Variants in RBMS3 observed in about 807,000 individuals in gnomAD.
The protein encoded by RBMS3 is RNA binding motif single stranded interacting protein 3, also known as RNA-binding motif, single-stranded-interacting protein 3.
Under a neutral mutation model 66.8 loss-of-function variants are expected in RBMS3, and 27 were observed. The ratio of observed to expected loss-of-function variants is 0.40; its 90% CI spans 0.30 to 0.56. The LOEUF (loss-of-function observed/expected upper bound fraction) is 0.56, where lower values mean the gene tolerates loss of function less well. Among genes scored for constraint, RBMS3 ranks in the 20% least tolerant of loss-of-function variants. The pLI is 0.40. For synonymous variants in RBMS3, 188 were observed against 183.0 expected (o/e 1.03, Z -0.22); for missense variants, 513 against 549.5 (o/e 0.93, Z 0.66).
At chr3:29,684,839 G>A (rs1382255274) in intron 4 of RBMS3, among the ~76,000 whole-genome samples, 2 of 151,406 alleles carry the variant, frequency 1.3e-5, no homozygotes, top group Admixed American at 6.6e-5. Context: ...GAGCTAAAGA[G>A]GATGGTCTTT....
At chr3:29,438,978 A>G (rs1032679329) in intron 2 of RBMS3, among the ~76,000 whole-genome samples, 2 of 152,200 alleles carry the variant, frequency 1.3e-5, no homozygotes, top group African/African-American at 4.8e-5. Flanking sequence ...ATCTCTGAGG[A>G]AGTGACAATT....
chr3:29,532,574 T>C (rs1188200222), intron 3 of RBMS3, among the ~76,000 whole-genome samples: 1 of 151,722 alleles, frequency 6.6e-6, no homozygotes. Context: ...AAAATAAAAT[T>C]TAAAAAATTA....
At chr3:29,982,295 C>G (rs963297612) in intron 12 of RBMS3, among the ~76,000 whole-genome samples, 7 of 151,966 alleles carry the variant, frequency 4.6e-5, no homozygotes, top group African/African-American at 1.7e-4. Flanking sequence ...TTTATGGTGT[C>G]TATATGATTC....
chr3:29,465,789 TTAGTCA>T (rs1004461037), intron 2 of RBMS3, among the ~76,000 whole-genome samples: 15 of 152,196 alleles, frequency 9.9e-5, no homozygotes, highest in African/African-American at 3.6e-4. Context: ...AAGTGTTCTT[TTAGTCA>T]TGCAAATTCT....
chr3:29,887,708 G>A (rs1398737583), intron 8 of RBMS3, among the ~76,000 whole-genome samples: 1 of 151,668 alleles, frequency 6.6e-6, no homozygotes, highest in Non-Finnish European at 1.5e-5. Flanking sequence ...GACTCACTAA[G>A]TCTCACTAAA....
At chr3:29,317,698 TC>T (rs1459642900) in intron 1 of RBMS3, among the ~76,000 whole-genome samples, 1 of 151,834 alleles carries the variant, frequency 6.6e-6, no homozygotes, top group African/African-American at 2.4e-5. Flanking sequence ...AAGAAATAAT[TC>T]TACCTATTGA....
At chr3:29,292,218 C>G (rs554337893) in intron 1 of RBMS3, among the ~76,000 whole-genome samples, 2 of 151,712 alleles carry the variant, frequency 1.3e-5, no homozygotes, top group Admixed American at 1.3e-4. Context: ...ACAACACACA[C>G]GCACACATAC....
chr3:29,899,775 T>A lies in RBMS3; in HGVS notation c.939+20T>A. 1 of 1,605,232 alleles carries A rather than the reference T, an allele frequency of 6.2e-7. No individual in the cohort carries two copies. The highest frequency in any genetic ancestry group is 8.5e-7 in the Non-Finnish European group (1 of 1,174,700). On this transcript the variant is annotated intron_variant, in intron 10 of 14. Coordinates refer to ENST00000383767, the MANE Select transcript of RBMS3 (RefSeq NM_001003793.3). ...CCAACAGTAAGTGTTCTCAGTCACC[T>A]GAGGCTAATATTTCTATTATCCAAG...
chr3:29,768,243 GACA>G (rs1435304173), intron 6 of RBMS3, among the ~76,000 whole-genome samples: 1 of 151,854 alleles, frequency 6.6e-6, no homozygotes, highest in Non-Finnish European at 1.5e-5. Context: ...AGAGCAGCTG[GACA>G]ACATCATGGT....
chr3:29,281,567 T>C lies in RBMS3; in HGVS notation c.-115T>C. On this transcript the variant is annotated 5_prime_UTR_variant, in exon 1 of 15. Coordinates refer to ENST00000383767, the MANE Select transcript of RBMS3 (RefSeq NM_001003793.3). ...TGGAACTAGCGAGTGGTGGAGTCTC[T>C]GAAGCCTCATCAGTCACCGGGACTG... is the stretch of plus-strand genomic sequence containing the variant. 1 of 785,996 alleles carries C rather than the reference T, an allele frequency of 1.3e-6. No homozygotes were observed. Among genetic ancestry groups the C allele is most frequent in the Non-Finnish European group, 2.2e-6 (1 of 460,192 alleles). 48.7% of individuals were successfully genotyped at this position (785,996 alleles called of 1,614,324 possible). A position where few individuals can be genotyped will look rare whatever the true frequency, so the allele number is the denominator to read the frequency against.
At chr3:29,286,955 C>T (rs911787774) in intron 1 of RBMS3, among the ~76,000 whole-genome samples, 6 of 152,066 alleles carry the variant, frequency 3.9e-5, no homozygotes, top group African/African-American at 1.4e-4. Context: ...GTAACAGTCT[C>T]ATAAGCCACA....
At chr3:29,603,555 T>G (rs770477200) in intron 4 of RBMS3, among the ~76,000 whole-genome samples, 1 of 152,106 alleles carries the variant, frequency 6.6e-6, no homozygotes, top group Non-Finnish European at 1.5e-5. Context: ...TGACACTATA[T>G]GATGCATGCC....
chr3:29,993,515 G>A (rs1281747892), intron 14 of RBMS3, among the ~76,000 whole-genome samples: 1 of 152,108 alleles, frequency 6.6e-6, no homozygotes, highest in African/African-American at 2.4e-5. Flanking sequence ...TTTTGGATGA[G>A]GTTAATATTT....
chr3:29,828,997 T>A (rs1348447436), intron 6 of RBMS3, among the ~76,000 whole-genome samples: 3 of 47,078 alleles, frequency 6.4e-5, no homozygotes, highest in Admixed American at 5.6e-4. Flanking sequence ...TTTCTTTCTT[T>A]CTTTCTTTCT....
chr3:29,704,500 A>G (rs1482872741), intron 4 of RBMS3, among the ~76,000 whole-genome samples: 1 of 152,206 alleles, frequency 6.6e-6, no homozygotes, highest in African/African-American at 2.4e-5. Context: ...ACTCATTTCT[A>G]TCCAATTGGG....
At chr3:29,846,743 T>C (rs562696167) in intron 6 of RBMS3, among the ~76,000 whole-genome samples, 6 of 152,322 alleles carry the variant, frequency 3.9e-5, no homozygotes, top group South Asian at 2.1e-4. Context: ...TCTAGGAAGA[T>C]ACATTTTACT....
At chr3:29,583,864 A>G (rs1441977913) in intron 3 of RBMS3, among the ~76,000 whole-genome samples, 2 of 151,982 alleles carry the variant, frequency 1.3e-5, no homozygotes, top group African/African-American at 4.8e-5. Flanking sequence ...GCAGTTTCCT[A>G]CCCTAGCTTC....
chr3:29,315,488 C>G (rs1178231081), intron 1 of RBMS3, among the ~76,000 whole-genome samples: 2 of 151,658 alleles, frequency 1.3e-5, no homozygotes, highest in East Asian at 3.9e-4. Flanking sequence ...ACACATTTAG[C>G]TACACATATA....
rs2149209272 is a variant in RBMS3 at position 29,648,563 on chromosome 3, A to G, written c.399+61358A>G. Among the ~76,000 whole-genome samples the G allele has an allele frequency of 1.3e-5, 2 of 152,152 alleles. 1 individual carries two copies. Among genetic ancestry groups the G allele is most frequent in the South Asian group, 4.1e-4 (2 of 4,826 alleles). ...GCCGAGATTACAGACGTGAGCCACC[A>G]CAACTGGCTAGGGGAAATGACTTTA... On this transcript the variant is annotated intron_variant, in intron 4 of 14. Coordinates refer to ENST00000383767, the MANE Select transcript of RBMS3 (RefSeq NM_001003793.3).
Sources: gnomAD v4.1 joint callset for allele counts (sites outside exome capture counted in the v4.1 genomes callset) on GRCh38, gnomAD v4.1.1 for gene constraint, MANE v1.5 for transcripts, NCBI Gene and HGNC (gene_info 2026-07-23, HGNC 2026-07-21) for gene names.